The following TBC1D30 variants were observed in gnomAD, a reference collection of about 807,000 sequenced individuals.
TBC1D30 encodes TBC1 domain family member 30, also known as TBC1 domain family, member 30.
Under a neutral mutation model 63.2 loss-of-function variants are expected in TBC1D30, and 31 were observed. The observed-to-expected ratio is 0.49, with a 90% CI of 0.37 to 0.66. The LOEUF is 0.66. TBC1D30 is among the 30% of genes least tolerant of loss of function. TBC1D30 has a pLI of 0.00. For synonymous variants in TBC1D30, 307 were observed against 361.5 expected, an observed-to-expected ratio of 0.85 and a Z score of 1.71; for missense variants, 810 against 953.6, an observed-to-expected ratio of 0.85 and a Z score of 1.98.
At chr12:64,862,090 T>C (rs972461995) in intron 8 of TBC1D30, among the ~76,000 whole-genome samples, 2 of 152,218 alleles carry the variant, frequency 1.3e-5, no homozygotes, top group African/African-American at 2.4e-5. Context: ...GTGGAACTAA[T>C]ATGTTTGAAT....
chr12:64,779,264 G>A (rs1029434107), upstream of TBC1D30: 1 of 152,088 alleles, frequency 6.6e-6, no homozygotes. Flanking sequence ...TTTGGCATAC[G>A]AAGGAGGACT....
chr12:64,780,669 A>G, exon 1 of TBC1D30: 1 of 785,536 alleles, frequency 1.3e-6, no homozygotes, highest in Non-Finnish European at 1.5e-6. Flanking sequence ...AGGCCCGGGC[A>G]CCTCGGGGAT....
chr12:64,879,126 A>G lies in TBC1D30; in HGVS notation c.*3338A>G, dbSNP rs117754169. On this transcript the variant is annotated 3_prime_UTR_variant, in exon 12 of 12. Coordinates refer to ENST00000539867, the MANE Select transcript of TBC1D30 (RefSeq NM_015279.2). ...AGAAAATTGGGAAAACAAAAAGAGC[A>G]TAAAGAATCATCAATACTCTGATAT... is the stretch of plus-strand genomic sequence containing the variant. The G allele has an allele frequency of 0.022, 3,411 of 152,830 alleles. 61 individuals carry two copies. Among genetic ancestry groups the G allele is most frequent in the Non-Finnish European group, 0.033 (2,288 of 68,396 alleles). The allele number at this position is 152,830 out of a possible 1,614,324, so 9.5% of individuals were successfully genotyped here.
intron 7 of TBC1D30, among the ~76,000 whole-genome samples, chr12:64,842,364 A>T (rs964113824): frequency 6.6e-6 from 1 of 152,178 alleles, no homozygotes; most frequent in Non-Finnish European, 1.5e-5. Flanking sequence ...GTCACAAGAA[A>T]AAATAAATAA....
chr12:64,809,133 C>T (rs1353949814), intron 2 of TBC1D30, among the ~76,000 whole-genome samples: 2 of 152,094 alleles, frequency 1.3e-5, no homozygotes, highest in Non-Finnish European at 2.9e-5. Flanking sequence ...TTTTGGGGAA[C>T]AGGTGGTTTT....
intron 8 of TBC1D30, among the ~76,000 whole-genome samples, chr12:64,860,950 C>T (rs755064991): frequency 6.6e-6 from 1 of 152,206 alleles, no homozygotes; most frequent in Non-Finnish European, 1.5e-5. Context: ...AAGGCAACAT[C>T]TCATTTCGCT....
At chr12:64,857,920 CA>C (rs1877448945) in intron 8 of TBC1D30, among the ~76,000 whole-genome samples, 1 of 152,200 alleles carries the variant, frequency 6.6e-6, no homozygotes, top group Non-Finnish European at 1.5e-5. Context: ...TGCACTCTCC[CA>C]TCCCCAAGTG....
In TBC1D30 at chr12:64,875,333, C is replaced by T. The variant is rs1565694792; in HGVS notation, c.1831C>T (p.Pro611Ser). Residue 611 changes from proline (P) to serine (S), a missense_variant, in exon 12 of 12, where the codon CCC becomes TCC. Pro to Ser is a moderately conservative substitution (Grantham distance 74, BLOSUM62 -1). Transcript: ENST00000539867. ...TGGGCTGGGGGCAGCAGAGGCATTC[C>T]CCTCTGGTTGTACAGCGACAGCTGG... Reference protein sequence around the residue: ...TNGLGAAEAFPSGCTATAGRE... With the variant: ...TNGLGAAEAFSSGCTATAGRE... 1 of 1,536,250 alleles carries T rather than the reference C, an allele frequency of 6.5e-7. No individual in the cohort carries two copies.
intron 2 of TBC1D30, among the ~76,000 whole-genome samples, chr12:64,804,689 G>A (rs528648179): frequency 6.6e-6 from 1 of 152,268 alleles, no homozygotes; most frequent in South Asian, 2.1e-4. Flanking sequence ...AAAACTAGTG[G>A]GAAAGGGGCA....
chr12:64,828,595 G>T, intron 3 of TBC1D30, 86 bp downstream of exon 3: 2 of 868,110 alleles, frequency 2.3e-6, no homozygotes, highest in Non-Finnish European at 3.6e-6. Flanking sequence ...ATATATTCTA[G>T]GTTTAGTTAC....
Position 64,847,314 on chromosome 12 carries a change from A to G in TBC1D30, c.1038+3829A>G, listed in dbSNP as rs553685126. Among the ~76,000 whole-genome samples, 41 of 151,580 alleles carry G rather than the reference A, an allele frequency of 2.7e-4. No homozygotes were observed. In the South Asian group the frequency reaches 2.7e-3, roughly 10 times the overall value. On this transcript the variant is annotated intron_variant, in intron 8 of 11. Transcript: ENST00000539867. ...CTGGCTACAGGTGTTTCAGTTTTAT[A>G]TATCTTTTCAAAAAAACCAACTTTT... is the stretch of plus-strand genomic sequence containing the variant.
intron 7 of TBC1D30, among the ~76,000 whole-genome samples, chr12:64,840,101 C>T (rs1875742304): frequency 6.6e-6 from 1 of 151,676 alleles, no homozygotes; most frequent in Non-Finnish European, 1.5e-5. Flanking sequence ...CTAGCTATCT[C>T]CTTTGCCTTG....
intron 8 of TBC1D30, among the ~76,000 whole-genome samples, chr12:64,859,596 A>T (rs1249585108): frequency 6.6e-6 from 1 of 152,204 alleles, no homozygotes; most frequent in African/African-American, 2.4e-5. Context: ...GGACTTGGCC[A>T]TGGAAAAGGG....
chr12:64,830,002 C>T (rs1261354494), intron 3 of TBC1D30, among the ~76,000 whole-genome samples: 1 of 152,116 alleles, frequency 6.6e-6, no homozygotes, highest in Non-Finnish European at 1.5e-5. Flanking sequence ...TGGCTCTTGC[C>T]TAAGTATGGA....
chr12:64,799,549 A>AG (rs1164008265), intron 2 of TBC1D30, among the ~76,000 whole-genome samples: 5 of 152,186 alleles, frequency 3.3e-5, no homozygotes, highest in Admixed American at 2.0e-4. Context: ...GGGTTATTTG[A>AG]GGAGCAGGTG....
In TBC1D30 at chr12:64,875,854, G is replaced by T; in HGVS notation, c.*66G>T. ...GTAGTATAAGGGTTGCAGCTGAATGGCTCTAAAAGAGTTTTATTTGTCCAG... is the reference window on the plus strand; with the variant it reads ...GTAGTATAAGGGTTGCAGCTGAATGTCTCTAAAAGAGTTTTATTTGTCCAG... On this transcript the variant is annotated 3_prime_UTR_variant, in exon 12 of 12. Coordinates refer to ENST00000539867, the MANE Select transcript of TBC1D30 (RefSeq NM_015279.2). The T allele has an allele frequency of 7.1e-7, 1 of 1,409,290 alleles. No homozygotes were observed. Among genetic ancestry groups the T allele is most frequent in the Admixed American group, 2.8e-5 (1 of 35,944 alleles). 87.3% of individuals were successfully genotyped at this position (1,409,290 alleles called of 1,614,324 possible).
At position 64,875,644 on chromosome 12, in the gene TBC1D30, C is replaced by T. The variant is rs768140818; in HGVS notation, c.2142C>T (p.Ser714=). ...CCCCCATCTTTAGCCCTTTTCCCAGCGTCAAGCCCCTGCGGAAATCTGCTA... is the reference window on the plus strand; with the variant it reads ...CCCCCATCTTTAGCCCTTTTCCCAGTGTCAAGCCCCTGCGGAAATCTGCTA... The part of the protein sequence containing the change: ...SKTPIFSPFP[S]VKPLRKSATA... Residue 714 remains serine (S), a synonymous_variant, in exon 12 of 12, where the codon AGC becomes AGT. Transcript: ENST00000539867. 3.3e-5 allele frequency: 50 copies of T among 1,536,152 alleles called. No homozygotes were observed. Among genetic ancestry groups the T allele is most frequent in the Admixed American group, 2.7e-4 (14 of 50,980 alleles).
At chr12:64,809,617 C>G (rs188781301) in intron 2 of TBC1D30, among the ~76,000 whole-genome samples, 14 of 152,310 alleles carry the variant, frequency 9.2e-5, no homozygotes, top group African/African-American at 3.4e-4. Flanking sequence ...AGTTAATAAC[C>G]TGAATTCTTT....
At chr12:64,870,061 A>G (rs529621900) in intron 10 of TBC1D30, among the ~76,000 whole-genome samples, 116 of 152,364 alleles carry the variant, frequency 7.6e-4, no homozygotes, top group African/African-American at 2.7e-3. Context: ...ATAACAACAG[A>G]GTGGACAGGA....
Sources: gnomAD v4.1 joint callset for allele counts (sites outside exome capture counted in the v4.1 genomes callset) on GRCh38, gnomAD v4.1.1 for gene constraint, MANE v1.5 for transcripts, NCBI Gene and HGNC (gene_info 2026-07-23, HGNC 2026-07-21) for gene names.